Variants in IL6ST observed in about 807,000 individuals in gnomAD.
IL6ST encodes interleukin 6 cytokine family signal transducer.
Under a neutral mutation model 91.3 loss-of-function variants are expected in IL6ST, and 24 were observed. The ratio of observed to expected loss-of-function variants is 0.26; its 90% CI spans 0.19 to 0.37. The LOEUF (loss-of-function observed/expected upper bound fraction) is 0.37. IL6ST is among the 10% of genes least tolerant of loss of function. IL6ST has a pLI of 1.00. For synonymous variants in IL6ST, 351 were observed against 373.6 expected (o/e 0.94, Z 0.70); for missense variants, 914 against 1,078.5 (o/e 0.85, Z 2.14).
chr5:55,947,456 TG>T (rs1244066572), intron 15 of IL6ST, 36 bp downstream of exon 15: 2 of 1,103,918 alleles, frequency 1.8e-6, no homozygotes, highest in Non-Finnish European at 2.7e-6. Context: ...TCAATAAAGC[TG>T]GGGGAAAATG....
rs1231455142 is a variant in IL6ST at position 55,954,897 on chromosome 5, G to C, written c.1363C>G (p.Leu455Val). The change falls in exon 11 of 17, where the codon CTT (leucine) becomes GTT (valine). Residue 455 changes from leucine (L) to valine (V), a missense_variant. Coordinates refer to ENST00000381298, the MANE Select transcript of IL6ST (RefSeq NM_002184.4). ...TTATCTGATAACACACACCACTCAA[G>C]TATATATTTCTTTACAGATTCCCTT... ...TPRESVKKYI[L>V]EWCVLSDKAP... The C allele has an allele frequency of 6.2e-7, 1 of 1,612,814 alleles. No homozygotes were observed. Among genetic ancestry groups the C allele is most frequent in the Admixed American group, 1.7e-5 (1 of 60,014 alleles).
In IL6ST at chr5:55,976,286, G is replaced by A. The variant is rs367570639; in HGVS notation, c.-8C>T. 48 of 1,569,034 alleles carry A rather than the reference G, an allele frequency of 3.1e-5. No homozygotes were observed. The highest frequency in any genetic ancestry group is 5.5e-5 in the African/African-American group (4 of 73,052). ...AGTCTGCAACGTCAACATCTTGCGCGGATATTTCTGCAACAGACACATGTA... is the reference window on the plus strand; with the variant it reads ...AGTCTGCAACGTCAACATCTTGCGCAGATATTTCTGCAACAGACACATGTA... On this transcript the variant is annotated 5_prime_UTR_variant, in exon 3 of 17. Transcript: ENST00000381298.
At chr5:55,990,268 T>C (rs917513555) in intron 1 of IL6ST, among the ~76,000 whole-genome samples, 3 of 151,434 alleles carry the variant, frequency 2.0e-5, no homozygotes, top group African/African-American at 7.3e-5. Flanking sequence ...ATACACTAGA[T>C]AGCCGCAAAG....
At chr5:55,973,600 A>G (rs1454582201) in intron 3 of IL6ST, among the ~76,000 whole-genome samples, 1 of 152,212 alleles carries the variant, frequency 6.6e-6, no homozygotes, top group Non-Finnish European at 1.5e-5. Context: ...GAGTCTGAAG[A>G]TGACTCCAGC....
chr5:55,971,072 T>C (rs1752937305), intron 3 of IL6ST, among the ~76,000 whole-genome samples: 3 of 152,330 alleles, frequency 2.0e-5, no homozygotes, highest in African/African-American at 4.8e-5. Context: ...ATTAGACATA[T>C]ATCTACCTGA....
chr5:55,973,051 A>G (rs904692797), intron 3 of IL6ST, among the ~76,000 whole-genome samples: 3 of 151,978 alleles, frequency 2.0e-5, no homozygotes, highest in Non-Finnish European at 4.4e-5. Flanking sequence ...ACTATAACCG[A>G]TATTACAATG....
rs553141931 is a variant in IL6ST at position 55,994,554 on chromosome 5, T to G, written c.-104+230A>C. On this transcript the variant is annotated intron_variant, in intron 1 of 16. Coordinates refer to ENST00000381298, the MANE Select transcript of IL6ST (RefSeq NM_002184.4). ...AGAGGGGTGCGTGCGTGCGCCTGGG[T>G]GAAGTTTGTACTCAGGGCTGCGATA... Among the ~76,000 whole-genome samples the G allele has an allele frequency of 1.5e-4, 22 of 151,414 alleles. No homozygotes were observed. In the South Asian group the frequency reaches 3.8e-3, roughly 26 times the overall value.
At chr5:55,945,795 C>T (rs191767171) in intron 15 of IL6ST, among the ~76,000 whole-genome samples, 17 of 151,378 alleles carry the variant, frequency 1.1e-4, no homozygotes, top group African/African-American at 3.4e-4. Context: ...GGATTACTGA[C>T]GTGTGCCACC....
chr5:55,941,180 T>C lies in IL6ST; in HGVS notation c.2659A>G (p.Arg887Gly). The C allele has an allele frequency of 2.5e-6, 4 of 1,614,166 alleles. No individual in the cohort carries two copies. In the South Asian group the frequency reaches 3.3e-5, roughly 13 times the overall value. Residue 887 changes from arginine to glycine, a missense_variant, in exon 17 of 17, where the codon AGA becomes GGA. Arg to Gly is a moderately radical substitution (Grantham distance 125). Transcript: ENST00000381298. ...GCCTCCATGCCAACTGTTTCAAATC[T>C]TTCTACTTGTCCCTCAGTACCTGGA... ...FGPGTEGQVERFETVGMEAAT... is the reference protein window; with the variant it reads ...FGPGTEGQVEGFETVGMEAAT...
intron 5 of IL6ST, among the ~76,000 whole-genome samples, chr5:55,966,932 C>A (rs770557506): frequency 2.7e-4 from 40 of 148,778 alleles, no homozygotes; most frequent in Non-Finnish European, 2.2e-4. Flanking sequence ...ACACATCACT[C>A]CTACAAAATA....
At chr5:55,963,094 A>G (rs931881579) in intron 7 of IL6ST, among the ~76,000 whole-genome samples, 1 of 151,856 alleles carries the variant, frequency 6.6e-6, no homozygotes, top group Admixed American at 6.6e-5. Context: ...TCTAGAAGAA[A>G]AAAAAAAAAA....
In IL6ST at chr5:55,938,072, C is replaced by T. The variant is rs1412150075; in HGVS notation, c.*3010G>A. On this transcript the variant is annotated 3_prime_UTR_variant, in exon 17 of 17. Coordinates refer to ENST00000381298, the MANE Select transcript of IL6ST (RefSeq NM_002184.4). The stretch of plus-strand genomic sequence containing the variant: ...ATTTCTATTTCTCAAACTAGATGCT[C>T]TACTTTAAATATGAGCTTTAATGAA... 1 of 189,724 alleles carries T rather than the reference C, an allele frequency of 5.3e-6. No homozygotes were observed. The highest frequency in any genetic ancestry group is 1.1e-5 in the Non-Finnish European group (1 of 90,292). The allele number at this position is 189,724 out of a possible 1,614,324, so 11.8% of individuals were successfully genotyped here. A position where few individuals can be genotyped will look rare whatever the true frequency, so the allele number is the denominator to read the frequency against.
At chr5:55,947,713 A>G in intron 14 of IL6ST, 124 bp from the exon 15 acceptor site, 1 of 600,294 alleles carries the variant, frequency 1.7e-6, no homozygotes, top group Non-Finnish European at 2.9e-6. Context: ...ATACAATCCT[A>G]ATTATTTTTC....
chr5:55,939,868 CTTTA>C lies in IL6ST; in HGVS notation c.*1210_*1213del, dbSNP rs2111565340. On this transcript the variant is annotated 3_prime_UTR_variant, in exon 17 of 17. Transcript: ENST00000381298. ...AACTGCAGACATTAAAATACCATCTCTTTATTAAGTGTCTCTACAATAATGATAT... is the reference window on the plus strand; with the variant it reads ...AACTGCAGACATTAAAATACCATCTCTTAAGTGTCTCTACAATAATGATAT... The C allele has an allele frequency of 4.9e-6, 1 of 203,350 alleles. No individual in the cohort carries two copies. The highest frequency in any genetic ancestry group is 7.5e-5 in the East Asian group (1 of 13,284). The allele number at this position is 203,350 out of a possible 1,614,324, so 12.6% of individuals were successfully genotyped here.
intron 10 of IL6ST, 95 bp downstream of exon 10, chr5:55,955,930 A>G (rs1373698373): frequency 1.5e-6 from 1 of 680,066 alleles, no homozygotes; most frequent in Non-Finnish European, 2.7e-6. Flanking sequence ...CTGAGGAGAC[A>G]GTCTTAGATA....
At chr5:55,974,478 T>G (rs1343831594) in intron 3 of IL6ST, among the ~76,000 whole-genome samples, 1 of 150,848 alleles carries the variant, frequency 6.6e-6, no homozygotes, top group African/African-American at 2.4e-5. Context: ...AGGCATGTGC[T>G]ACCAAGCTCA....
Position 55,935,748 on chromosome 5 carries a change from T to G in IL6ST, c.*5334A>C, listed in dbSNP as rs1179791746. On this transcript the variant is annotated 3_prime_UTR_variant, in exon 17 of 17. Coordinates refer to ENST00000381298, the MANE Select transcript of IL6ST (RefSeq NM_002184.4). The stretch of plus-strand genomic sequence containing the variant: ...TTCGTATTTTGAAAGTGTAGAAGTT[T>G]GTATTAATTTAAAAAGAAAAAGCTT... 4.6e-6 allele frequency: 1 copy of G among 217,238 alleles called. No homozygotes were observed. Among genetic ancestry groups the G allele is most frequent in the East Asian group, 6.8e-5 (1 of 14,664 alleles). The allele number at this position is 217,238 out of a possible 1,614,324, so 13.5% of individuals were successfully genotyped here. A position where few individuals can be genotyped will look rare whatever the true frequency, so the allele number is the denominator to read the frequency against.
intron 16 of IL6ST, among the ~76,000 whole-genome samples, chr5:55,942,186 T>A (rs1309110517): frequency 6.6e-6 from 1 of 152,206 alleles, no homozygotes; most frequent in Non-Finnish European, 1.5e-5. Flanking sequence ...AATATAAAAT[T>A]TAAGGACTAC....
At chr5:55,947,948 T>G (rs900141912) in intron 14 of IL6ST, among the ~76,000 whole-genome samples, 1 of 152,202 alleles carries the variant, frequency 6.6e-6, no homozygotes, top group African/African-American at 2.4e-5. Flanking sequence ...TAAAAGTTTA[T>G]CTCTGAGTTC....
Sources: allele counts gnomAD v4.1 joint callset (sites outside exome capture counted in the v4.1 genomes callset), GRCh38; gene constraint gnomAD v4.1.1; transcripts MANE v1.5; gene names NCBI Gene and HGNC (gene_info 2026-07-23, HGNC 2026-07-21).